SSR3: variants seen among roughly 807,000 people sequenced by gnomAD.
SSR3 encodes the protein signal sequence receptor subunit 3, also known as translocon-associated protein subunit gamma.
In SSR3, 10 loss-of-function variants were observed where a neutral mutation model predicts 22.1. The observed-to-expected ratio is 0.45, with a 90% CI of 0.28 to 0.77. SSR3 has a LOEUF of 0.77. Among genes scored for constraint, SSR3 ranks in the 30% least tolerant of loss-of-function variants. SSR3 has a pLI of 0.13. For synonymous variants in SSR3, 104 were observed against 82.5 expected (o/e 1.26, Z -1.42); for missense variants, 181 against 220.5 (o/e 0.82, Z 1.13).
rs11544225 is a variant in SSR3 at position 156,548,955 on chromosome 3, T to C, written c.309A>G (p.Lys103=). The C allele has an allele frequency of 6.2e-7, 1 of 1,613,462 alleles. No homozygotes were observed. The highest frequency in any genetic ancestry group is 8.5e-7 in the Non-Finnish European group (1 of 1,179,876). Residue 103 remains lysine, a synonymous_variant, in exon 3 of 5, where the codon AAA becomes AAG. Coordinates refer to ENST00000265044, the MANE Select transcript of SSR3 (RefSeq NM_007107.5). Reference sequence around the variant, plus strand: ...TCTTTCTATTATCAGCTTCAGAAAGTTTTCGAGTCACTTCTTTGGAAACAG... The same window carrying C: ...TCTTTCTATTATCAGCTTCAGAAAGCTTTCGAGTCACTTCTTTGGAAACAG... ...EDAVSKEVTR[K]LSEADNRKMS... is the part of the protein sequence containing the mutation.
Position 156,544,430 on chromosome 3 carries a change from C to A in SSR3, c.369G>T (p.Trp123Cys). ...CATAATCAGCAACTTCATTCTTCTT[C>A]CACAAGATTCTACAGACACAGAAAC... The part of the protein sequence containing the change: ...SRKEKDERIL[W>C]KKNEVADYEA... Residue 123 changes from tryptophan (W) to cysteine (C), a missense_variant, in exon 4 of 5, where the codon TGG becomes TGT. Transcript: ENST00000265044. 2 of 1,577,338 alleles carry A rather than the reference C, an allele frequency of 1.3e-6. No individual in the cohort carries two copies. Among genetic ancestry groups the A allele is most frequent in the South Asian group, 1.2e-5 (1 of 82,902 alleles).
chr3:156,553,319 G>A (rs372167486), intron 2 of SSR3, among the ~76,000 whole-genome samples: 1 of 152,190 alleles, frequency 6.6e-6, no homozygotes, highest in African/African-American at 2.4e-5. Context: ...GAAGAGCCCA[G>A]AACAATTCTC....
At position 156,539,954 on chromosome 3, in the gene SSR3, A is replaced by T. The variant is rs1209573866; in HGVS notation, c.*3249T>A. Among the ~76,000 whole-genome samples, 1 of 152,198 alleles carries T rather than the reference A, an allele frequency of 6.6e-6. No individual in the cohort carries two copies. The highest frequency in any genetic ancestry group is 1.9e-4 in the East Asian group (1 of 5,200). Reference sequence around the variant, plus strand: ...ACAAAGATGTGCATTTACATGTGTGAGATATTAAAATGATGGTTACATGTA... The same window carrying T: ...ACAAAGATGTGCATTTACATGTGTGTGATATTAAAATGATGGTTACATGTA... On this transcript the variant is annotated 3_prime_UTR_variant, in exon 5 of 5. Transcript: ENST00000265044.
intron 1 of SSR3, 159 bp downstream of exon 1, chr3:156,554,798 A>G (rs2108451920): frequency 1.0e-6 from 1 of 954,488 alleles, no homozygotes; most frequent in Non-Finnish European, 1.5e-6. Context: ...CACTGTGCCC[A>G]AAGAAGAGGC....
intron 3 of SSR3, 133 bp downstream of exon 3, chr3:156,548,772 C>T: frequency 9.4e-7 from 1 of 1,065,722 alleles, no homozygotes; most frequent in Non-Finnish European, 1.3e-6. Context: ...TTACTATTTC[C>T]ATTACTACTA....
intron 3 of SSR3, among the ~76,000 whole-genome samples, chr3:156,546,399 T>A (rs1719763473): frequency 6.6e-6 from 1 of 152,212 alleles, no homozygotes; most frequent in Non-Finnish European, 1.5e-5. Context: ...TCTGGTAGTA[T>A]CTTTATAGCA....
intron 2 of SSR3, among the ~76,000 whole-genome samples, chr3:156,552,257 T>A (rs961159114): frequency 6.6e-6 from 1 of 151,130 alleles, no homozygotes; most frequent in African/African-American, 2.4e-5. Context: ...TAAGCCAAGA[T>A]TGGGCCACTG....
chr3:156,544,074 C>T (rs1373848513), intron 4 of SSR3: 3 of 403,270 alleles, frequency 7.4e-6, no homozygotes, highest in Non-Finnish European at 1.3e-5. Flanking sequence ...ACACAGATTC[C>T]CATAGACTAC....
At chr3:156,547,169 T>TTA (rs1000770356) in intron 3 of SSR3, among the ~76,000 whole-genome samples, 104 of 152,296 alleles carry the variant, frequency 6.8e-4, no homozygotes, top group African/African-American at 2.5e-3. Context: ...CACTCTGCAC[T>TTA]TATATATATC....
chr3:156,546,726 T>G (rs1018164837), intron 3 of SSR3, among the ~76,000 whole-genome samples: 1 of 152,164 alleles, frequency 6.6e-6, no homozygotes, highest in Admixed American at 6.5e-5. Flanking sequence ...CAGGAAGAGC[T>G]TCCTACAAGA....
chr3:156,552,515 TG>T (rs1236206367), intron 2 of SSR3, among the ~76,000 whole-genome samples: 1 of 152,274 alleles, frequency 6.6e-6, no homozygotes, highest in East Asian at 1.9e-4. Context: ...AGATGGAGGT[TG>T]TTACAGCAAT....
In SSR3 at chr3:156,539,946, CAT is replaced by C. The variant is rs1489433894; in HGVS notation, c.*3255_*3256del. On this transcript the variant is annotated 3_prime_UTR_variant, in exon 5 of 5. Coordinates refer to ENST00000265044, the MANE Select transcript of SSR3 (RefSeq NM_007107.5). ...TGGTAACTACAAAGATGTGCATTTA[CAT>C]GTGTGAGATATTAAAATGATGGTTA... Among the ~76,000 whole-genome samples the C allele has an allele frequency of 1.3e-5, 2 of 152,054 alleles. No homozygotes were observed. Among genetic ancestry groups the C allele is most frequent in the Non-Finnish European group, 2.9e-5 (2 of 68,034 alleles).
At chr3:156,549,629 T>C (rs1344998850) in intron 2 of SSR3, among the ~76,000 whole-genome samples, 2 of 152,192 alleles carry the variant, frequency 1.3e-5, no homozygotes, top group Non-Finnish European at 2.9e-5. Context: ...TTTACCTATT[T>C]TTTTACCTGT....
chr3:156,553,736 ACAG>A lies in SSR3; in HGVS notation c.176_178del (p.Ala59del). On this transcript the variant is annotated inframe_deletion, in exon 2 of 5. Coordinates refer to ENST00000265044, the MANE Select transcript of SSR3 (RefSeq NM_007107.5). ...TACTAGGGTCATCACACTATACAAA[ACAG>A]CAGACTGAATAAGATCCATATGCCA... The A allele has an allele frequency of 5.6e-6, 9 of 1,613,012 alleles. No individual in the cohort carries two copies. Among genetic ancestry groups the A allele is most frequent in the Non-Finnish European group, 7.6e-6 (9 of 1,179,708 alleles).
At chr3:156,553,040 TAAAAA>T (rs137859101) in intron 2 of SSR3, among the ~76,000 whole-genome samples, 1 of 136,552 alleles carries the variant, frequency 7.3e-6, no homozygotes, top group Non-Finnish European at 1.6e-5. Flanking sequence ...GACAGAGAGT[TAAAAA>T]AAAAAAAAAG....
chr3:156,541,351 TCC>T lies in SSR3; in HGVS notation c.*1850_*1851del, dbSNP rs1379912461. ...AAATGCATTTATTTGATACACAAAT[TCC>T]ATGCCACCAGTCAAACTATGGTCTG... On this transcript the variant is annotated 3_prime_UTR_variant, in exon 5 of 5. Transcript: ENST00000265044. 6.6e-6 allele frequency: 1 copy of T among 152,122 alleles called. No individual in the cohort carries two copies. Among genetic ancestry groups the T allele is most frequent in the African/African-American group, 2.4e-5 (1 of 41,436 alleles). 9.4% of individuals were successfully genotyped at this position (152,122 alleles called of 1,614,324 possible).
At chr3:156,554,781 G>A (rs538124969) in intron 1 of SSR3, 176 bp downstream of exon 1, 2 of 799,412 alleles carry the variant, frequency 2.5e-6, no homozygotes, top group African/African-American at 1.7e-5. Flanking sequence ...ACAATCCCAA[G>A]CGACAACACT....
chr3:156,546,626 T>C (rs1045282179), intron 3 of SSR3, among the ~76,000 whole-genome samples: 4 of 152,212 alleles, frequency 2.6e-5, no homozygotes, highest in Admixed American at 6.5e-5. Context: ...AATGCCCTCA[T>C]TGCCAACGGT....
intron 1 of SSR3, 200 bp downstream of exon 1, chr3:156,554,757 G>A (rs3773720): frequency 0.12 from 79,276 of 645,214 alleles, 5,295 homozygotes; most frequent in East Asian, 0.2. Context: ...TGACCTCCCC[G>A]AGTGCTGCAC....
Sources: allele counts gnomAD v4.1 joint callset (sites outside exome capture counted in the v4.1 genomes callset), GRCh38; gene constraint gnomAD v4.1.1; transcripts MANE v1.5; gene names NCBI Gene and HGNC (gene_info 2026-07-23, HGNC 2026-07-21).